NRDC: variants seen among roughly 807,000 people sequenced by gnomAD.
The protein encoded by NRDC is nardilysin.
In NRDC, 54 loss-of-function variants were observed where a neutral mutation model predicts 147.1. The observed-to-expected ratio is 0.37, with a 90% CI of 0.29 to 0.46. The LOEUF (loss-of-function observed/expected upper bound fraction) is 0.46. Ranked by LOEUF, NRDC falls within the 20% of genes least tolerant of loss-of-function variation. The pLI is 1.00. For missense variants in NRDC, 1,082 were observed against 1,370.6 expected (o/e 0.79, Z 3.33); for synonymous variants, 440 against 482.1 (o/e 0.91, Z 1.14).
At chr1:51,862,607 CCAGCTACT>C (rs930483439) in intron 1 of NRDC, among the ~76,000 whole-genome samples, 34 of 152,044 alleles carry the variant, frequency 2.2e-4, no homozygotes, top group Non-Finnish European at 2.5e-4. Flanking sequence ...ACTTGTGGTG[CCAGCTACT>C]CAGGAGGCTG....
At chr1:51,846,128 T>C (rs1681562035) in intron 1 of NRDC, among the ~76,000 whole-genome samples, 1 of 152,140 alleles carries the variant, frequency 6.6e-6, no homozygotes, top group Non-Finnish European at 1.5e-5. Context: ...TTTTTTTTTT[T>C]TGAGACCAAG....
chr1:51,798,632 A>G (rs537846268), intron 21 of NRDC: 164 of 434,374 alleles, frequency 3.8e-4, no homozygotes, highest in Non-Finnish European at 5.8e-4. Flanking sequence ...ACAAAAATGC[A>G]CTTACCTGTC....
intron 22 of NRDC, among the ~76,000 whole-genome samples, chr1:51,797,008 G>A (rs950830308): frequency 6.6e-6 from 1 of 151,648 alleles, no homozygotes; most frequent in Non-Finnish European, 1.5e-5. Flanking sequence ...AGACCATCCT[G>A]GCCAACACGG....
rs1354457976 is a variant in NRDC, at chr1:51,800,634, G to C, written c.2363C>G (p.Pro788Arg). 6 of 1,613,802 alleles carry C rather than the reference G, an allele frequency of 3.7e-6. No homozygotes were observed. The highest frequency in any genetic ancestry group is 5.1e-6 in the Non-Finnish European group (6 of 1,179,812). Reference sequence around the variant, plus strand: ...CTCAGTTATCATTGTAAAGACAGCTGGTGTGGAATTGAACTCAGCTAAGTA... The same window carrying C: ...CTCAGTTATCATTGTAAAGACAGCTCGTGTGGAATTGAACTCAGCTAAGTA... The part of the protein sequence containing the change: ...IDYLAEFNST[P>R]AVFTMITEQL... The change falls in exon 21 of 31, where the codon CCA becomes CGA. Residue 788 changes from proline (P) to arginine (R), a missense_variant. By Grantham distance (103) the Pro-to-Arg change is moderately radical (BLOSUM62 -2). Transcript: ENST00000352171.
intron 5 of NRDC, among the ~76,000 whole-genome samples, chr1:51,827,204 T>C (rs1427857970): frequency 6.6e-6 from 1 of 152,212 alleles, no homozygotes; most frequent in Non-Finnish European, 1.5e-5. Flanking sequence ...GATAGATCAC[T>C]CTAGCCATCT....
chr1:51,849,836 AAAAGG>A (rs1681853870), intron 1 of NRDC, among the ~76,000 whole-genome samples: 1 of 151,178 alleles, frequency 6.6e-6, no homozygotes, highest in African/African-American at 2.4e-5. Context: ...AAAAAGAAAG[AAAAGG>A]AAAGGAAGAA....
At chr1:51,844,418 G>A (rs750737581) in intron 1 of NRDC, among the ~76,000 whole-genome samples, 36 of 152,110 alleles carry the variant, frequency 2.4e-4, no homozygotes, top group Non-Finnish European at 1.8e-4. Flanking sequence ...CACCAGATAT[G>A]TGTGCACACA....
At chr1:51,830,433 A>C (rs781142005) in intron 4 of NRDC, among the ~76,000 whole-genome samples, 41 of 152,266 alleles carry the variant, frequency 2.7e-4, no homozygotes, top group Admixed American at 6.5e-4. Flanking sequence ...ACTTGAAAAA[A>C]TATTTGTAAC....
chr1:51,859,957 C>A, intron 1 of NRDC: 1 of 183,864 alleles, frequency 5.4e-6, no homozygotes, highest in South Asian at 1.3e-4. Flanking sequence ...GTGCCTACTC[C>A]CATCACTGCT....
intron 1 of NRDC, among the ~76,000 whole-genome samples, chr1:51,860,979 T>G (rs529382008): frequency 6.6e-6 from 1 of 150,882 alleles, no homozygotes; most frequent in African/African-American, 2.4e-5. Context: ...AGACAGAGTC[T>G]CGATCTGTCA....
At chr1:51,835,242 G>A (rs1005228856) in intron 3 of NRDC, among the ~76,000 whole-genome samples, 1 of 151,620 alleles carries the variant, frequency 6.6e-6, no homozygotes, top group African/African-American at 2.4e-5. Context: ...TTGTGTTTTT[G>A]TAGAGATGGA....
intron 1 of NRDC, among the ~76,000 whole-genome samples, chr1:51,845,588 G>A (rs974488480): frequency 6.6e-6 from 1 of 151,092 alleles, no homozygotes; most frequent in African/African-American, 2.4e-5. Flanking sequence ...GCGAGACTCC[G>A]TCACAAAAAA....
intron 1 of NRDC, among the ~76,000 whole-genome samples, chr1:51,864,326 C>T (rs1276613007): frequency 2.6e-5 from 4 of 152,132 alleles, no homozygotes; most frequent in African/African-American, 9.7e-5. Flanking sequence ...GATGAACTGA[C>T]TGATGAACAC....
chr1:51,827,888 T>G lies in NRDC; in HGVS notation c.867-19A>C, dbSNP rs750343924. 8.1e-6 allele frequency: 13 copies of G among 1,608,116 alleles called. No individual in the cohort carries two copies. The highest frequency in any genetic ancestry group is 1.3e-5 in the African/African-American group (1 of 74,820). Reference sequence around the variant, plus strand: ...CGCCCATCTGAACAAAAAACAAAACTGGCATTTCCGTTTTTGTTCACTTTC... The same window carrying G: ...CGCCCATCTGAACAAAAAACAAAACGGGCATTTCCGTTTTTGTTCACTTTC... On this transcript the variant is annotated intron_variant, in intron 4 of 30. Transcript: ENST00000352171.
At chr1:51,864,861 A>T (rs548595440) in intron 1 of NRDC, among the ~76,000 whole-genome samples, 35 of 151,878 alleles carry the variant, frequency 2.3e-4, no homozygotes, top group African/African-American at 8.0e-4. Context: ...CTGAGGTGGG[A>T]GTCGCTTGAA....
intron 1 of NRDC, among the ~76,000 whole-genome samples, chr1:51,844,603 C>A (rs1379715699): frequency 6.6e-6 from 1 of 151,620 alleles, no homozygotes; most frequent in African/African-American, 2.4e-5. Context: ...ATTAGCCAGG[C>A]ATGGCGGCGC....
chr1:51,849,821 C>CA (rs967814557), intron 1 of NRDC, among the ~76,000 whole-genome samples: 92 of 134,362 alleles, frequency 6.8e-4, no homozygotes, highest in East Asian at 3.7e-3. Context: ...GTCTCAAAAA[C>CA]AAAAAAAAAG....
At chr1:51,815,529 T>C (rs1025440802) in intron 11 of NRDC, among the ~76,000 whole-genome samples, 1 of 152,208 alleles carries the variant, frequency 6.6e-6, no homozygotes, top group Non-Finnish European at 1.5e-5. Context: ...GAAATTCTAA[T>C]AAAGCTCAGT....
intron 21 of NRDC, among the ~76,000 whole-genome samples, chr1:51,800,033 G>A (rs1170421796): frequency 6.6e-6 from 1 of 152,148 alleles, no homozygotes; most frequent in Non-Finnish European, 1.5e-5. Flanking sequence ...GGTGTGCGGT[G>A]GCATGATCAT....
Sources: allele counts gnomAD v4.1 joint callset (sites outside exome capture counted in the v4.1 genomes callset), GRCh38; gene constraint gnomAD v4.1.1; transcripts MANE v1.5; gene names NCBI Gene and HGNC (gene_info 2026-07-23, HGNC 2026-07-21).